The following RAP1GAP variants were observed in gnomAD, a reference collection of about 807,000 sequenced individuals.
The protein encoded by RAP1GAP is RAP1 GTPase activating protein, also known as rap1 GTPase-activating protein 1.
RAP1GAP carries 35 observed loss-of-function variants against 87.2 expected under a neutral mutation model. That is an observed-to-expected ratio of 0.40 (90% CI 0.31 to 0.53). The LOEUF (loss-of-function observed/expected upper bound fraction) is 0.53, where lower values mean the gene tolerates loss of function less well. RAP1GAP is among the 20% of genes least tolerant of loss of function. The pLI, the probability that RAP1GAP is intolerant of heterozygous loss-of-function variation, is 0.48. For missense variants in RAP1GAP, 734 were observed against 898.9 expected (o/e 0.82, Z 2.35); for synonymous variants, 375 against 363.9 (o/e 1.03, Z -0.35).
intron 20 of RAP1GAP, among the ~76,000 whole-genome samples, chr1:21,600,358 T>C (rs1240146958): frequency 6.6e-6 from 1 of 152,172 alleles, no homozygotes; most frequent in Non-Finnish European, 1.5e-5. Flanking sequence ...CCTGCCTCTC[T>C]GTTCACCTAC....
intron 2 of RAP1GAP, among the ~76,000 whole-genome samples, chr1:21,645,595 C>T (rs967834555): frequency 2.0e-5 from 3 of 152,260 alleles, no homozygotes; most frequent in Non-Finnish European, 4.4e-5. Context: ...AGAACCCCCT[C>T]ACCCTGGCTT....
chr1:21,617,961 G>A lies in RAP1GAP; in HGVS notation c.78C>T (p.Asp26=). 6.2e-7 allele frequency: 1 copy of A among 1,614,126 alleles called. No homozygotes were observed. Among genetic ancestry groups the A allele is most frequent in the East Asian group, 2.2e-5 (1 of 44,882 alleles). ...CGTGCACGCTCGGGTATGGAATGTA[G>A]TCCTCCTCTGTCTGCAAAACACAAA... ...SFPPPLKTEE[D]YIPYPSVHEV... is the part of the protein sequence containing the mutation. The change falls in exon 6 of 25, where the codon GAC becomes GAT. Residue 26 remains aspartate, a synonymous_variant. Transcript: ENST00000374765.
chr1:21,636,849 A>G (rs117294360), intron 2 of RAP1GAP, among the ~76,000 whole-genome samples: 6,551 of 146,876 alleles, frequency 0.045, 174 homozygotes, highest in East Asian at 0.071. Context: ...GAAGAAGAAG[A>G]AGGAGGAGGA....
chr1:21,598,670 G>C (rs1646758615), intron 21 of RAP1GAP, among the ~76,000 whole-genome samples, 168 bp from the exon 22 acceptor site: 1 of 152,244 alleles, frequency 6.6e-6, no homozygotes, highest in South Asian at 2.1e-4. Flanking sequence ...CAGGAGGGCA[G>C]AGTCAGGGCA....
chr1:21,647,604 G>C (rs115053409), intron 2 of RAP1GAP, among the ~76,000 whole-genome samples: 3,935 of 152,322 alleles, frequency 0.026, 79 homozygotes, highest in Non-Finnish European at 0.035. Flanking sequence ...ATGTTGAGCA[G>C]CAAGTGCAGC....
At position 21,611,557 on chromosome 1, in the gene RAP1GAP, G is replaced by A. The variant is rs149806191; in HGVS notation, c.738C>T (p.Thr246=). 67 of 1,614,158 alleles carry A rather than the reference G, an allele frequency of 4.2e-5. No homozygotes were observed. The East Asian group carries it at 1.5e-3, about 35-fold the overall frequency. ...FKGFRGGLDV[T]HGQTGTESVY... ...CAGATTCGGTCCCCGTCTGCCCGTG[G>A]GTCACGTCCAGGCCTCCTCGGAACC... Residue 246 remains threonine, a synonymous_variant, in exon 13 of 25, where the codon ACC becomes ACT. Transcript: ENST00000374765.
At position 21,622,551 on chromosome 1, in the gene RAP1GAP, C is replaced by G. The variant is rs1348339633; in HGVS notation, c.-18-2501G>C. On this transcript the variant is annotated intron_variant, in intron 3 of 24. Transcript: ENST00000374765. The surrounding 1 kb of genome is among the most constrained non-coding windows in gnomAD (Gnocchi z 5.7). ...CGGCTCCCGGCGGCGGCGCTGCCTGCGATGGGCTCGCCCCACGGCGGGGCC... is the reference window on the plus strand; with the variant it reads ...CGGCTCCCGGCGGCGGCGCTGCCTGGGATGGGCTCGCCCCACGGCGGGGCC... 1 of 147,348 alleles carries G rather than the reference C, an allele frequency of 6.8e-6. No homozygotes were observed. Among genetic ancestry groups the G allele is most frequent in the Non-Finnish European group, 1.5e-5 (1 of 66,582 alleles). The allele number at this position is 147,348 out of a possible 1,614,324, so 9.1% of individuals were successfully genotyped here. A position where few individuals can be genotyped will look rare whatever the true frequency, so the allele number is the denominator to read the frequency against.
chr1:21,651,570 A>C, intron 1 of RAP1GAP: 1 of 675,310 alleles, frequency 1.5e-6, no homozygotes, highest in Non-Finnish European at 2.8e-6. Context: ...CGCAATGGGA[A>C]CACACACAGA....
chr1:21,649,236 GAC>G lies in RAP1GAP; in HGVS notation c.-113+523_-113+524del, dbSNP rs557198308. Among the ~76,000 whole-genome samples the G allele has an allele frequency of 5.6e-3, 859 of 152,254 alleles. 12 individuals carry two copies. The highest frequency in any genetic ancestry group is 5.2e-3 in the Non-Finnish European group (357 of 68,026). ...CTCCTCCAAAGAGAGGGCAGCCCCA[GAC>G]ACAGGAAATATGGGAGGAAGGGGTT... On this transcript the variant is annotated intron_variant, in intron 2 of 24. Coordinates refer to ENST00000374765, the MANE Select transcript of RAP1GAP (RefSeq NM_002885.4).
chr1:21,613,514 G>A lies in RAP1GAP; in HGVS notation c.474+114C>T, dbSNP rs2149442777. 8 of 1,005,138 alleles carry A rather than the reference G, an allele frequency of 8.0e-6. No individual in the cohort carries two copies. The highest frequency in any genetic ancestry group is 7.1e-5 in the East Asian group (3 of 42,020). 62.3% of individuals were successfully genotyped at this position (1,005,138 alleles called of 1,614,324 possible). On this transcript the variant is annotated intron_variant, in intron 9 of 24. Coordinates refer to ENST00000374765, the MANE Select transcript of RAP1GAP (RefSeq NM_002885.4). This position sits in a 1 kb window ranked among gnomAD's most constrained non-coding sequence, Gnocchi z 4.7. ...GTGAGAGACAGCCTCAGGATAGGGC[G>A]GCAGGCCAGGGCTAGGGCCTACAGC... is the stretch of plus-strand genomic sequence containing the variant.
rs1007133906 is a variant in RAP1GAP at position 21,634,217 on chromosome 1, C to T, written c.-112-7820G>A. On this transcript the variant is annotated intron_variant, in intron 2 of 24. Transcript: ENST00000374765. The surrounding 1 kb of genome is among the most constrained non-coding windows in gnomAD (Gnocchi z 4.1). ...CAAAGCTAGGTCTGGAGAGGCTGGC[C>T]CCCTCTTCCCCAGCCCACTGGGAGC... 6.6e-6 allele frequency among the ~76,000 whole-genome samples: 1 copy of T among 152,108 alleles called. No individual in the cohort carries two copies. Among genetic ancestry groups the T allele is most frequent in the Admixed American group, 6.5e-5 (1 of 15,280 alleles).
chr1:21,626,386 C>T lies in RAP1GAP; in HGVS notation c.-101G>A. ...TGCCTGAGGGAAGTGCTGGTTCTGC[C>T]CATCGCTCCTCCTGGAAGAGAAAGA... is the stretch of plus-strand genomic sequence containing the variant. On this transcript the variant is annotated 5_prime_UTR_variant, in exon 3 of 25. Coordinates refer to ENST00000374765, the MANE Select transcript of RAP1GAP (RefSeq NM_002885.4). The T allele has an allele frequency of 5.0e-6, 8 of 1,612,592 alleles. No homozygotes were observed. The highest frequency in any genetic ancestry group is 6.8e-6 in the Non-Finnish European group (8 of 1,178,844).
chr1:21,641,492 T>C lies in RAP1GAP; in HGVS notation c.-113+8269A>G, dbSNP rs551554950. ...GCACCCACCCCATCCGTACTACACA[T>C]TACCCATCTGAAGCTACCTTAGCTG... On this transcript the variant is annotated intron_variant, in intron 2 of 24. Coordinates refer to ENST00000374765, the MANE Select transcript of RAP1GAP (RefSeq NM_002885.4). 2.5e-3 allele frequency among the ~76,000 whole-genome samples: 378 copies of C among 152,284 alleles called. 3 individuals are homozygous for C. The highest frequency in any genetic ancestry group is 3.7e-3 in the Non-Finnish European group (255 of 68,016).
At position 21,598,551 on chromosome 1, in the gene RAP1GAP, ACTGG is replaced by A. The variant is rs1390682129; in HGVS notation, c.1777-53_1777-50del. On this transcript the variant is annotated intron_variant, in intron 21 of 24. Transcript: ENST00000374765. ...AGGGAGGTTAGCCTATGCCCTTGGC[ACTGG>A]CTAGGGCTCCCTCCCAGCCCCTCTC... 4 of 1,476,418 alleles carry A rather than the reference ACTGG, an allele frequency of 2.7e-6. No individual in the cohort carries two copies. The Admixed American group carries it at 6.8e-5, about 25-fold the overall frequency. 91.5% of individuals were successfully genotyped at this position (1,476,418 alleles called of 1,614,324 possible).
chr1:21,652,712 A>C (rs2096664982), intron 1 of RAP1GAP, among the ~76,000 whole-genome samples: 1 of 152,026 alleles, frequency 6.6e-6, no homozygotes. Flanking sequence ...TTCTGCACCC[A>C]GCTCGCCCAG....
At position 21,598,511 on chromosome 1, in the gene RAP1GAP, G is replaced by T; in HGVS notation, c.1777-9C>A. 1 of 1,605,930 alleles carries T rather than the reference G, an allele frequency of 6.2e-7. No individual in the cohort carries two copies. The highest frequency in any genetic ancestry group is 1.3e-5 in the African/African-American group (1 of 74,838). ...GAGGATGACACGCTCTCCTGGGGAG[G>T]GGGTGGAAAGAGGGAGGGAGGTTAG... On this transcript the variant is annotated splice_polypyrimidine_tract_variant and intron_variant, in intron 21 of 24. Coordinates refer to ENST00000374765, the MANE Select transcript of RAP1GAP (RefSeq NM_002885.4).
chr1:21,631,557 G>A lies in RAP1GAP; in HGVS notation c.-112-5160C>T, dbSNP rs915222560. On this transcript the variant is annotated intron_variant, in intron 2 of 24. Coordinates refer to ENST00000374765, the MANE Select transcript of RAP1GAP (RefSeq NM_002885.4). ...AAAAATTAGCTGAGAGTAGTGCCAC[G>A]CGCCTGTAATCCTAGCTACTTGGGA... Among the ~76,000 whole-genome samples, 9 of 152,070 alleles carry A rather than the reference G, an allele frequency of 5.9e-5. No homozygotes were observed. The South Asian group carries it at 8.3e-4, about 14-fold the overall frequency.
At chr1:21,656,417 TAAAAAAAAAAA>T (rs71661339) in intron 1 of RAP1GAP, among the ~76,000 whole-genome samples, 2 of 96,178 alleles carry the variant, frequency 2.1e-5, no homozygotes, top group African/African-American at 4.3e-5. Context: ...AGACTCCATC[TAAAAAAAAAAA>T]AAAAAAAAAA....
intron 7 of RAP1GAP, 46 bp downstream of exon 7, chr1:21,617,260 C>G: frequency 6.5e-7 from 1 of 1,544,570 alleles, no homozygotes; most frequent in Middle Eastern, 1.7e-4. Flanking sequence ...TGGGGCTGAA[C>G]TGTGACCCAC....
Sources: allele counts gnomAD v4.1 joint callset (sites outside exome capture counted in the v4.1 genomes callset), GRCh38; gene constraint gnomAD v4.1.1; non-coding constraint Gnocchi (gnomAD v3.1); transcripts MANE v1.5; gene names NCBI Gene and HGNC (gene_info 2026-07-23, HGNC 2026-07-21).